The following CSMD1 variants were observed in gnomAD, a reference collection of about 807,000 sequenced individuals.
CSMD1 encodes the protein CUB and Sushi multiple domains 1, also known as CUB and sushi domain-containing protein 1.
In CSMD1, 213 loss-of-function variants were observed where a neutral mutation model predicts 417.5. That is an observed-to-expected ratio of 0.51 (90% CI 0.46 to 0.57). CSMD1 has a LOEUF of 0.57. Ranked by LOEUF, CSMD1 falls within the 20% of genes least tolerant of loss-of-function variation. CSMD1 has a pLI of 0.00. For synonymous variants in CSMD1, 2,862 were observed against 1,736.8 expected, an observed-to-expected ratio of 1.65 and a Z score of -16.11; for missense variants, 6,923 against 4,529.7, an observed-to-expected ratio of 1.53 and a Z score of -15.17.
At chr8:3,555,381 A>G (rs911445291) in intron 10 of CSMD1, among the ~76,000 whole-genome samples, 1 of 152,076 alleles carries the variant, frequency 6.6e-6, no homozygotes, top group Non-Finnish European at 1.5e-5. Context: ...GACAGTCTGA[A>G]CGCTGTAAGA....
intron 11 of CSMD1, among the ~76,000 whole-genome samples, chr8:3,485,965 C>A (rs1252998494): frequency 1.3e-5 from 2 of 152,110 alleles, no homozygotes; most frequent in African/African-American, 4.8e-5. Context: ...TTCGTATTAA[C>A]ACCAGGGGTT....
chr8:3,455,336 G>T (rs184684654), intron 12 of CSMD1, among the ~76,000 whole-genome samples: 1 of 152,130 alleles, frequency 6.6e-6, no homozygotes, highest in East Asian at 1.9e-4. Flanking sequence ...TCTGTCCAAC[G>T]TTGCTCCATT....
chr8:4,556,800 C>A (rs896167970), intron 2 of CSMD1, among the ~76,000 whole-genome samples: 3 of 152,162 alleles, frequency 2.0e-5, no homozygotes, highest in Non-Finnish European at 4.4e-5. Flanking sequence ...TGAGTGCTGA[C>A]ATAAAGCTCA....
intron 33 of CSMD1, among the ~76,000 whole-genome samples, chr8:3,197,967 G>C (rs1434871846): frequency 6.6e-6 from 1 of 152,166 alleles, no homozygotes; most frequent in Non-Finnish European, 1.5e-5. Context: ...AGCAAAGCAA[G>C]AGAAGGAGGT....
intron 3 of CSMD1, among the ~76,000 whole-genome samples, chr8:4,105,714 C>G (rs531600819): frequency 6.6e-6 from 1 of 152,324 alleles, no homozygotes; most frequent in African/African-American, 2.4e-5. Context: ...TACCCCATGG[C>G]AAGATCAACC....
At chr8:4,605,095 C>A (rs1800797043) in intron 2 of CSMD1, among the ~76,000 whole-genome samples, 1 of 152,298 alleles carries the variant, frequency 6.6e-6, no homozygotes, top group African/African-American at 2.4e-5. Context: ...TTAAAATTAA[C>A]CTGTACCAAA....
intron 41 of CSMD1, among the ~76,000 whole-genome samples, chr8:3,125,935 C>T (rs1449807031): frequency 6.6e-6 from 1 of 152,154 alleles, no homozygotes; most frequent in Non-Finnish European, 1.5e-5. Context: ...TGAGATCGTG[C>T]CACTGCACTC....
chr8:4,802,340 A>AGTGTGTGT (rs202111583), intron 1 of CSMD1, among the ~76,000 whole-genome samples: 7 of 145,848 alleles, frequency 4.8e-5, no homozygotes, highest in African/African-American at 1.9e-4. Flanking sequence ...AAGCAAAATG[A>AGTGTGTGT]GTGTGTGCGC....
At chr8:4,934,816 G>A (rs560047823) in intron 1 of CSMD1, among the ~76,000 whole-genome samples, 2 of 151,920 alleles carry the variant, frequency 1.3e-5, no homozygotes, top group East Asian at 1.9e-4. Context: ...TACCTATCAT[G>A]TATCAATCAC....
At chr8:4,087,376 G>A (rs1367306712) in intron 3 of CSMD1, among the ~76,000 whole-genome samples, 1 of 152,178 alleles carries the variant, frequency 6.6e-6, no homozygotes, top group Non-Finnish European at 1.5e-5. Context: ...CAAAGAACAT[G>A]ACCTAACACA....
intron 2 of CSMD1, among the ~76,000 whole-genome samples, chr8:4,440,907 G>C (rs564284056): frequency 1.2e-3 from 183 of 151,296 alleles, no homozygotes; most frequent in Middle Eastern, 6.8e-3. Flanking sequence ...TGAGGCATGA[G>C]AATCACTTGA....
chr8:3,698,465 C>T (rs1335492307), intron 7 of CSMD1, among the ~76,000 whole-genome samples: 1 of 152,158 alleles, frequency 6.6e-6, no homozygotes, highest in African/African-American at 2.4e-5. Context: ...ATTTTTCCTA[C>T]CGTCAAAATC....
At chr8:3,870,449 G>A (rs1279665785) in intron 5 of CSMD1, among the ~76,000 whole-genome samples, 1 of 152,032 alleles carries the variant, frequency 6.6e-6, no homozygotes, top group Non-Finnish European at 1.5e-5. Flanking sequence ...ACATGTTGGT[G>A]GGTATTTCTC....
At chr8:3,616,993 A>G (rs1342229618) in intron 7 of CSMD1, among the ~76,000 whole-genome samples, 196 bp from the exon 8 acceptor site, 1 of 152,168 alleles carries the variant, frequency 6.6e-6, no homozygotes, top group Non-Finnish European at 1.5e-5. Flanking sequence ...TGTGTTTTCC[A>G]GTGAAAGGAT....
chr8:2,976,877 T>C (rs901560992), intron 55 of CSMD1, among the ~76,000 whole-genome samples: 2 of 152,156 alleles, frequency 1.3e-5, no homozygotes, highest in African/African-American at 4.8e-5. Flanking sequence ...TGATATATTC[T>C]TGCTAATCTT....
intron 5 of CSMD1, among the ~76,000 whole-genome samples, chr8:3,758,094 G>T (rs1002846336): frequency 4.6e-5 from 7 of 152,038 alleles, no homozygotes; most frequent in Non-Finnish European, 1.0e-4. Context: ...CTCCTGAGTA[G>T]CTGGGATTAC....
chr8:4,176,567 T>C (rs1016292747), intron 3 of CSMD1, among the ~76,000 whole-genome samples: 2 of 151,986 alleles, frequency 1.3e-5, no homozygotes, highest in African/African-American at 4.8e-5. Flanking sequence ...ATTTTGGCAG[T>C]AGAAGTACCC....
At chr8:4,705,640 A>G (rs1162069448) in intron 1 of CSMD1, among the ~76,000 whole-genome samples, 1 of 152,212 alleles carries the variant, frequency 6.6e-6, no homozygotes, top group Non-Finnish European at 1.5e-5. Flanking sequence ...GGCATGAACG[A>G]AGCTCTTCTT....
intron 3 of CSMD1, among the ~76,000 whole-genome samples, chr8:4,157,324 T>G (rs1017579338): frequency 6.6e-6 from 1 of 152,192 alleles, no homozygotes; most frequent in African/African-American, 2.4e-5. Flanking sequence ...CAACTCAGGG[T>G]GGGCAGAGCC....
Sources: gnomAD v4.1 joint callset for allele counts (sites outside exome capture counted in the v4.1 genomes callset) on GRCh38, gnomAD v4.1.1 for gene constraint, MANE v1.5 for transcripts, NCBI Gene and HGNC (gene_info 2026-07-23, HGNC 2026-07-21) for gene names.